ARHGEF37: variants seen among roughly 807,000 people sequenced by gnomAD.
The protein encoded by ARHGEF37 is Rho guanine nucleotide exchange factor 37, also known as Rho guanine nucleotide exchange factor (GEF) 37.
A neutral mutation model predicts 71.1 loss-of-function variants in ARHGEF37; 55 were observed. That is an observed-to-expected ratio of 0.77 (90% CI 0.62 to 0.97). The LOEUF (loss-of-function observed/expected upper bound fraction) is 0.97. Ranked by LOEUF, ARHGEF37 falls within the 50% of genes least tolerant of loss-of-function variation. The pLI, the probability that ARHGEF37 is intolerant of heterozygous loss-of-function variation, is 0.00. For synonymous variants in ARHGEF37, 327 were observed against 350.6 expected, an observed-to-expected ratio of 0.93 and a Z score of 0.75; for missense variants, 765 against 836.8, an observed-to-expected ratio of 0.91 and a Z score of 1.06.
chr5:149,573,986 C>T (rs1387015988), intron 1 of ARHGEF37, among the ~76,000 whole-genome samples: 1 of 152,078 alleles, frequency 6.6e-6, no homozygotes, highest in African/African-American at 2.4e-5. Context: ...TTTTAAGTCA[C>T]AATAAACATC....
chr5:149,608,734 T>G (rs1415785197), intron 3 of ARHGEF37, among the ~76,000 whole-genome samples: 1 of 152,162 alleles, frequency 6.6e-6, no homozygotes, highest in Non-Finnish European at 1.5e-5. Context: ...GTGAAACACT[T>G]GCCTCAGGTT....
rs1481692109 is a variant in ARHGEF37, at chr5:149,616,158, C to A, written c.459-409C>A. 2.0e-5 allele frequency among the ~76,000 whole-genome samples: 3 copies of A among 151,986 alleles called. No homozygotes were observed. In the South Asian group the frequency reaches 6.2e-4, roughly 32 times the overall value. Reference sequence around the variant, plus strand: ...GTGGAGAGAGAGGGAGGAGAGGACACCCAGGGCACTCCGGCATTGGAGAGA... The same window carrying A: ...GTGGAGAGAGAGGGAGGAGAGGACAACCAGGGCACTCCGGCATTGGAGAGA... On this transcript the variant is annotated intron_variant, in intron 4 of 12. Coordinates refer to ENST00000333677, the MANE Select transcript of ARHGEF37 (RefSeq NM_001001669.3).
intron 9 of ARHGEF37, among the ~76,000 whole-genome samples, chr5:149,622,934 TCTCCAG>T (rs1242869440): frequency 6.6e-6 from 1 of 152,100 alleles, no homozygotes; most frequent in Non-Finnish European, 1.5e-5. Flanking sequence ...TGTGTCACAG[TCTCCAG>T]CTCAGCTTTT....
chr5:149,556,445 T>C (rs543427516), intron 1 of ARHGEF37, among the ~76,000 whole-genome samples: 1 of 152,074 alleles, frequency 6.6e-6, no homozygotes, highest in Non-Finnish European at 1.5e-5. Context: ...TGGAGTGCAA[T>C]GGTGCAATTT....
At chr5:149,604,576 C>A (rs1424543799) in intron 3 of ARHGEF37, among the ~76,000 whole-genome samples, 2 of 152,054 alleles carry the variant, frequency 1.3e-5, no homozygotes, top group Non-Finnish European at 2.9e-5. Context: ...TGTGCCAGGC[C>A]AGGCTGCTCT....
chr5:149,613,331 G>C (rs180863686), intron 4 of ARHGEF37, among the ~76,000 whole-genome samples: 1 of 150,392 alleles, frequency 6.6e-6, no homozygotes. Flanking sequence ...CAGACAGATA[G>C]ATGGTTAGAT....
chr5:149,616,388 C>T (rs75398219), intron 4 of ARHGEF37, among the ~76,000 whole-genome samples, 179 bp from the exon 5 acceptor site: 2,417 of 152,280 alleles, frequency 0.016, 71 homozygotes, highest in African/African-American at 0.056. Flanking sequence ...AGAACCGTCA[C>T]TGCCTGCCTA....
chr5:149,586,105 T>C (rs767223738), intron 1 of ARHGEF37, among the ~76,000 whole-genome samples: 3 of 152,178 alleles, frequency 2.0e-5, no homozygotes, highest in Admixed American at 1.3e-4. Context: ...TCATGGAGTT[T>C]CCATTATTTT....
intron 3 of ARHGEF37, among the ~76,000 whole-genome samples, chr5:149,604,675 C>CG (rs1763859525): frequency 8.4e-6 from 1 of 119,294 alleles, no homozygotes; most frequent in African/African-American, 3.8e-5. Context: ...GCAGCAACAC[C>CG]ATTTTTTTTT....
intron 4 of ARHGEF37, among the ~76,000 whole-genome samples, chr5:149,613,800 G>A (rs1580923328): frequency 7.3e-6 from 1 of 137,298 alleles, no homozygotes; most frequent in African/African-American, 2.7e-5. Flanking sequence ...GTCTCACTCT[G>A]TCACCCAGGC....
chr5:149,620,816 T>G, intron 8 of ARHGEF37, among the ~76,000 whole-genome samples: 2 of 118,522 alleles, frequency 1.7e-5, no homozygotes, highest in African/African-American at 3.0e-5. Flanking sequence ...GGAGACAGAG[T>G]GAGACTCCTT....
intron 5 of ARHGEF37, 21 bp downstream of exon 5, chr5:149,616,787 G>A: frequency 6.4e-7 from 1 of 1,574,766 alleles, no homozygotes; most frequent in African/African-American, 1.3e-5. Context: ...GGGCATTTAA[G>A]GGGACACATT....
At chr5:149,605,939 G>C (rs1295233017) in intron 3 of ARHGEF37, among the ~76,000 whole-genome samples, 1 of 152,078 alleles carries the variant, frequency 6.6e-6, no homozygotes, top group African/African-American at 2.4e-5. Context: ...CCCCTTTTAT[G>C]CTAGGAATAA....
At chr5:149,593,223 T>C (rs1183707880) in intron 1 of ARHGEF37, among the ~76,000 whole-genome samples, 2 of 152,254 alleles carry the variant, frequency 1.3e-5, no homozygotes, top group Non-Finnish European at 2.9e-5. Context: ...ATCAATAGTT[T>C]CTAGTATATT....
intron 1 of ARHGEF37, among the ~76,000 whole-genome samples, chr5:149,560,067 A>C (rs866389362): frequency 4.6e-5 from 7 of 152,324 alleles, no homozygotes; most frequent in Admixed American, 1.3e-4. Context: ...AATCAAAACT[A>C]CAGTGAGCCA....
At chr5:149,570,951 G>C (rs969106726) in intron 1 of ARHGEF37, among the ~76,000 whole-genome samples, 2 of 151,696 alleles carry the variant, frequency 1.3e-5, no homozygotes, top group Admixed American at 6.6e-5. Context: ...TTTTGTTTTT[G>C]ATTTTTTTGA....
intron 8 of ARHGEF37, among the ~76,000 whole-genome samples, chr5:149,621,324 G>A (rs956693703): frequency 6.6e-6 from 1 of 152,072 alleles, no homozygotes; most frequent in Admixed American, 6.5e-5. Flanking sequence ...AATTAGCTGG[G>A]TGTGGTGGCA....
intron 1 of ARHGEF37, among the ~76,000 whole-genome samples, chr5:149,553,774 A>T (rs548501795): frequency 1.3e-5 from 2 of 152,310 alleles, no homozygotes; most frequent in African/African-American, 2.4e-5. Context: ...ATTATATTTC[A>T]TTCTGAGATT....
upstream of ARHGEF37, among the ~76,000 whole-genome samples, chr5:149,581,278 T>G (rs1763099650): frequency 6.6e-6 from 1 of 151,782 alleles, no homozygotes; most frequent in Non-Finnish European, 1.5e-5. Flanking sequence ...CGCGGGAGGG[T>G]GGGTGCCGGC....
Sources: allele counts gnomAD v4.1 joint callset (sites outside exome capture counted in the v4.1 genomes callset), GRCh38; gene constraint gnomAD v4.1.1; transcripts MANE v1.5; gene names NCBI Gene and HGNC (gene_info 2026-07-23, HGNC 2026-07-21).